Variants in RC3H1 observed in about 807,000 individuals in gnomAD.
RC3H1 encodes roquin-1.
Under a neutral mutation model 138.2 loss-of-function variants are expected in RC3H1, and 50 were observed. The observed-to-expected ratio is 0.36, with a 90% confidence interval of 0.29 to 0.46. RC3H1 has a LOEUF of 0.46. Ranked by LOEUF, RC3H1 falls within the 20% of genes least tolerant of loss-of-function variation. The pLI is 1.00. For missense variants in RC3H1, 1,031 were observed against 1,388.1 expected, an observed-to-expected ratio of 0.74 and a Z score of 4.09; for synonymous variants, 462 against 489.1, an observed-to-expected ratio of 0.94 and a Z score of 0.73.
Position 173,935,028 on chromosome 1 carries a change from A to G in RC3H1, c.*3693T>C, listed in dbSNP as rs542583700. On this transcript the variant is annotated 3_prime_UTR_variant, in exon 20 of 20. Transcript: ENST00000367696. ...CACCAACATTAATGCTGTACCAAAC[A>G]ATTTTTTAAATACATTCTGAGTAGT... 7 of 151,384 alleles carry G rather than the reference A, an allele frequency of 4.6e-5. No homozygotes were observed. The South Asian group carries it at 1.2e-3, about 27-fold the overall frequency. The allele number at this position is 151,384 out of a possible 1,614,324, so 9.4% of individuals were successfully genotyped here. A position where few individuals can be genotyped will look rare whatever the true frequency, so the allele number is the denominator to read the frequency against.
At chr1:174,001,121 G>C (rs7523504) in intron 1 of RC3H1, among the ~76,000 whole-genome samples, 43,948 of 152,064 alleles carry the variant, frequency 0.29, 11,362 homozygotes, top group African/African-American at 0.7. Context: ...AAAGAAAGGT[G>C]GAGGAAAGTT....
In RC3H1 at chr1:174,022,062, C is replaced by T. The variant is rs1406361198; in HGVS notation, c.-151+34G>A. On this transcript the variant is annotated intron_variant, in intron 1 of 19. Coordinates refer to ENST00000367696, the MANE Select transcript of RC3H1 (RefSeq NM_172071.4). The surrounding 1 kb of genome is among the most constrained non-coding windows in gnomAD (Gnocchi z 4.2). ...GACTGAGGCCCCGGCCGCGGCAGCC[C>T]CGCTCCCCAAGTCGCCGCCCGCCGC... The T allele has an allele frequency of 5.1e-6, 2 of 395,782 alleles. No homozygotes were observed. The highest frequency in any genetic ancestry group is 8.9e-6 in the Non-Finnish European group (2 of 224,920). 24.5% of individuals were successfully genotyped at this position (395,782 alleles called of 1,614,324 possible).
intron 2 of RC3H1, 58 bp downstream of exon 2, chr1:173,992,697 C>T (rs200607410): frequency 2.8e-6 from 3 of 1,059,790 alleles, no homozygotes; most frequent in African/African-American, 1.6e-5. Flanking sequence ...CACACACACA[C>T]ACAGAGAGAG....
In RC3H1 at chr1:173,990,771, T is replaced by C. The variant is rs557434173; in HGVS notation, c.231+1984A>G. 3.5e-4 allele frequency among the ~76,000 whole-genome samples: 53 copies of C among 151,656 alleles called. No individual in the cohort carries two copies. In the South Asian group the frequency reaches 0.011, roughly 31 times the overall value. On this transcript the variant is annotated intron_variant, in intron 2 of 19. Transcript: ENST00000367696. ...GCGCCTGCAACCACGCCCAGCTAAC[T>C]TTTTGTATTTTTAGTAGAGACAGGG...
chr1:173,964,156 A>G lies in RC3H1; in HGVS notation c.1648T>C (p.Leu550=). The change falls in exon 11 of 20, where the codon TTA becomes CTA. Residue 550 remains leucine, a synonymous_variant. Coordinates refer to ENST00000367696, the MANE Select transcript of RC3H1 (RefSeq NM_172071.4). ...LESVPKSISA[L]PVNPHSIPPR... is the part of the protein sequence containing the mutation. ...GGTATAGAATGTGGATTCACAGGTAAGGCAGAAATACTCTTAGGAACAGAT... is the reference window on the plus strand; with the variant it reads ...GGTATAGAATGTGGATTCACAGGTAGGGCAGAAATACTCTTAGGAACAGAT... 1.9e-6 allele frequency: 3 copies of G among 1,614,052 alleles called. No individual in the cohort carries two copies. The African/African-American group carries it at 4.0e-5, about 22-fold the overall frequency.
chr1:173,997,788 C>G (rs758692072), intron 1 of RC3H1, among the ~76,000 whole-genome samples: 12 of 152,068 alleles, frequency 7.9e-5, no homozygotes, highest in Non-Finnish European at 1.3e-4. Flanking sequence ...TGATTAATAA[C>G]AGAAAGTCAC....
At chr1:173,954,898 T>C (rs1361462497) in intron 13 of RC3H1, among the ~76,000 whole-genome samples, 1 of 151,928 alleles carries the variant, frequency 6.6e-6, no homozygotes, top group African/African-American at 2.4e-5. Context: ...GAAAGGAATA[T>C]CAACAAAATG....
chr1:173,949,328 G>T (rs919406658), intron 14 of RC3H1, among the ~76,000 whole-genome samples: 26 of 151,478 alleles, frequency 1.7e-4, no homozygotes, highest in South Asian at 4.2e-4. Flanking sequence ...GGACAAATGG[G>T]TTAAGAATAA....
At chr1:173,982,676 G>T in intron 5 of RC3H1, 51 bp downstream of exon 5, 1 of 1,433,196 alleles carries the variant, frequency 7.0e-7, no homozygotes, top group South Asian at 1.5e-5. Flanking sequence ...ACTTAACTTT[G>T]GGGAAAGAAC....
At position 174,022,274 on chromosome 1, in the gene RC3H1, A is replaced by G. The variant is rs956174898; in HGVS notation, c.-329T>C. ...TCCGGCCTCCCACCTGCTGCTGCTG[A>G]GGCTGCTCCTGCAGCAGGGGCCATC... On this transcript the variant is annotated 5_prime_UTR_variant, in exon 1 of 20. Transcript: ENST00000367696. This position sits in a 1 kb window ranked among gnomAD's most constrained non-coding sequence, Gnocchi z 4.2. The G allele has an allele frequency of 5.1e-6, 2 of 389,112 alleles. No individual in the cohort carries two copies. Among genetic ancestry groups the G allele is most frequent in the Non-Finnish European group, 9.1e-6 (2 of 220,524 alleles). The allele number at this position is 389,112 out of a possible 1,614,324, so 24.1% of individuals were successfully genotyped here.
chr1:173,950,158 A>G (rs1040856855), intron 14 of RC3H1, among the ~76,000 whole-genome samples: 1 of 151,892 alleles, frequency 6.6e-6, no homozygotes, highest in Non-Finnish European at 1.5e-5. Flanking sequence ...ACAGAGTGGA[A>G]CTCCGTCTCA....
At chr1:173,985,292 C>T (rs1318130682) in intron 2 of RC3H1, among the ~76,000 whole-genome samples, 1 of 152,094 alleles carries the variant, frequency 6.6e-6, no homozygotes, top group Non-Finnish European at 1.5e-5. Flanking sequence ...TTTGTGTAGA[C>T]AAAAGTTTTT....
chr1:173,972,331 C>T (rs2102973595), intron 8 of RC3H1, among the ~76,000 whole-genome samples, 178 bp downstream of exon 8: 1 of 152,252 alleles, frequency 6.6e-6, no homozygotes, highest in Middle Eastern at 3.4e-3. Context: ...AAGTTATCAG[C>T]CTAATGCAGT....
In RC3H1 at chr1:173,935,352, T is replaced by C. The variant is rs1233114806; in HGVS notation, c.*3369A>G. ...AAAAAAGAGTAAGTCAAAATACTTT[T>C]ATATTTCTCGCTATAAATAAAATTC... On this transcript the variant is annotated 3_prime_UTR_variant, in exon 20 of 20. Transcript: ENST00000367696. The C allele has an allele frequency of 6.6e-6, 1 of 152,194 alleles. No homozygotes were observed. 9.4% of individuals were successfully genotyped at this position (152,194 alleles called of 1,614,324 possible). A position where few individuals can be genotyped will look rare whatever the true frequency, so the allele number is the denominator to read the frequency against.
chr1:173,964,410 C>A (rs1373293850), intron 10 of RC3H1, among the ~76,000 whole-genome samples: 1 of 152,002 alleles, frequency 6.6e-6, no homozygotes, highest in African/African-American at 2.4e-5. Flanking sequence ...CTCTGTCACC[C>A]AGGCTGGAGT....
intron 1 of RC3H1, among the ~76,000 whole-genome samples, chr1:174,020,135 G>GAA (rs11393317): frequency 0.095 from 13,799 of 144,918 alleles, 847 homozygotes; most frequent in East Asian, 0.21. Context: ...AATTAGCACA[G>GAA]AAAAAAAAAA....
intron 1 of RC3H1, among the ~76,000 whole-genome samples, chr1:174,007,254 G>T (rs1013663253): frequency 4.8e-4 from 73 of 152,094 alleles, no homozygotes; most frequent in African/African-American, 1.7e-3. Flanking sequence ...GCCGGGCGTG[G>T]TGGCGGGCGC....
rs145444310 is a variant in RC3H1 at position 174,015,406 on chromosome 1, A to G, written c.-151+6690T>C. On this transcript the variant is annotated intron_variant, in intron 1 of 19. Transcript: ENST00000367696. ...TGAGACAAGTCTCGCTCTGTCGCCC[A>G]GGCTGGAGTGCAGTGGCATGATTTC... 9.8e-4 allele frequency among the ~76,000 whole-genome samples: 148 copies of G among 150,912 alleles called. 1 individual carries two copies. Among genetic ancestry groups the G allele is most frequent in the African/African-American group, 3.4e-3 (141 of 41,048 alleles).
intron 17 of RC3H1, among the ~76,000 whole-genome samples, chr1:173,945,887 T>C (rs540219334): frequency 1.3e-5 from 2 of 152,186 alleles, no homozygotes; most frequent in South Asian, 4.1e-4. Flanking sequence ...TTTTGTATTT[T>C]TAGTAGACAC....
Sources: allele counts gnomAD v4.1 joint callset (sites outside exome capture counted in the v4.1 genomes callset), GRCh38; gene constraint gnomAD v4.1.1; non-coding constraint Gnocchi (gnomAD v3.1); transcripts MANE v1.5; gene names NCBI Gene and HGNC (gene_info 2026-07-23, HGNC 2026-07-21).